The following RIPPLY3 variants were observed in gnomAD, a reference collection of about 807,000 sequenced individuals.
The protein encoded by RIPPLY3 is ripply transcriptional repressor 3, also known as protein ripply3.
RIPPLY3 carries 8 observed loss-of-function variants against 11.9 expected under a neutral mutation model. That is an observed-to-expected ratio of 0.67 (90% CI 0.40 to 1.21). The LOEUF is 1.21. RIPPLY3 is among the 50% of genes most tolerant of loss of function. RIPPLY3 has a pLI of 0.01. For synonymous variants in RIPPLY3, 102 were observed against 99.0 expected (o/e 1.03, Z -0.18); for missense variants, 271 against 246.0 (o/e 1.10, Z -0.68).
chr21:37,006,179 G>C (rs1330467960), upstream of RIPPLY3: 1 of 152,460 alleles, frequency 6.6e-6, no homozygotes, highest in Non-Finnish European at 1.5e-5. This position sits in a 1 kb window ranked among gnomAD's most constrained non-coding sequence, Gnocchi z 5.2. Flanking sequence ...GACCACAGAG[G>C]GACGGAGAAG....
At chr21:37,011,106 C>T (rs981030145) in intron 2 of RIPPLY3, among the ~76,000 whole-genome samples, 4 of 151,954 alleles carry the variant, frequency 2.6e-5, no homozygotes, top group African/African-American at 9.7e-5. Flanking sequence ...CAGGTTCAAG[C>T]GATTCGCCTG....
intron 2 of RIPPLY3, among the ~76,000 whole-genome samples, chr21:37,009,941 G>C (rs749674225): frequency 6.6e-6 from 1 of 152,188 alleles, no homozygotes; most frequent in Non-Finnish European, 1.5e-5. Flanking sequence ...TGGTTGCGCA[G>C]AGCGACCAGC....
In RIPPLY3 at chr21:37,008,171, G is replaced by T. The variant is rs1210698587; in HGVS notation, c.119G>T (p.Arg40Leu). The change falls in exon 2 of 4, where the codon CGA (arginine) becomes CTA (leucine). Residue 40 changes from arginine (R) to leucine (L), a missense_variant. Coordinates refer to ENST00000329553, the MANE Select transcript of RIPPLY3 (RefSeq NM_018962.3). The stretch of plus-strand genomic sequence containing the variant: ...TGCCGTTCCAGCCCCGCGCCGTGGC[G>T]ACCTTGGATCCAGACACCTGGAGAT... ...PRGPESPAPW[R>L]PWIQTPGDAE... The T allele has an allele frequency of 1.9e-6, 3 of 1,613,986 alleles. No individual in the cohort carries two copies. The highest frequency in any genetic ancestry group is 2.5e-6 in the Non-Finnish European group (3 of 1,180,026).
chr21:37,017,799 G>T, intron 3 of RIPPLY3, 75 bp from the exon 4 acceptor site: 3 of 1,276,004 alleles, frequency 2.4e-6, no homozygotes, highest in Non-Finnish European at 3.2e-6. Flanking sequence ...CTGCTTCTGG[G>T]AAAAAGCACC....
rs757963239 is a variant in RIPPLY3, at chr21:37,013,622, A to G, written c.239+4A>G. ...TTGGGTTTCAGCATCCTGTAAGGTAATATACGACTTCACAATAAGTAATCT... is the reference window on the plus strand; with the variant it reads ...TTGGGTTTCAGCATCCTGTAAGGTAGTATACGACTTCACAATAAGTAATCT... On this transcript the variant is annotated splice_donor_region_variant and intron_variant, in intron 3 of 3. Transcript: ENST00000329553. 11 of 1,609,842 alleles carry G rather than the reference A, an allele frequency of 6.8e-6. No homozygotes were observed. The highest frequency in any genetic ancestry group is 9.3e-6 in the Non-Finnish European group (11 of 1,176,522).
chr21:37,017,479 G>T (rs1426583345), intron 3 of RIPPLY3, among the ~76,000 whole-genome samples: 2 of 152,134 alleles, frequency 1.3e-5, no homozygotes. Context: ...CAGAGGGTGG[G>T]GTGGGAGAGT....
intron 3 of RIPPLY3, among the ~76,000 whole-genome samples, chr21:37,016,567 T>C: frequency 6.6e-6 from 1 of 151,890 alleles, no homozygotes; most frequent in East Asian, 1.9e-4. Context: ...GCATGGTGGC[T>C]CATACCTGTA....
At position 37,018,300 on chromosome 21, in the gene RIPPLY3, T is replaced by C. The variant is rs963019154; in HGVS notation, c.*93T>C. ...CAGGACACTACGCATCCCTGCTGAGTGTGCAGAGGCTAGAGGCTTCTCGGG... is the reference window on the plus strand; with the variant it reads ...CAGGACACTACGCATCCCTGCTGAGCGTGCAGAGGCTAGAGGCTTCTCGGG... On this transcript the variant is annotated 3_prime_UTR_variant, in exon 4 of 4. Transcript: ENST00000329553. 4.6e-6 allele frequency: 5 copies of C among 1,088,790 alleles called. No individual in the cohort carries two copies. In the South Asian group the frequency reaches 6.6e-5, roughly 14 times the overall value. The allele number at this position is 1,088,790 out of a possible 1,614,324, so 67.4% of individuals were successfully genotyped here. A position where few individuals can be genotyped will look rare whatever the true frequency, so the allele number is the denominator to read the frequency against.
Position 37,006,906 on chromosome 21 carries a change from C to A in RIPPLY3, c.104+30C>A. 1.7e-6 allele frequency: 2 copies of A among 1,153,570 alleles called. No homozygotes were observed. Among genetic ancestry groups the A allele is most frequent in the Non-Finnish European group, 2.2e-6 (2 of 920,596 alleles). The allele number at this position is 1,153,570 out of a possible 1,614,324, so 71.5% of individuals were successfully genotyped here. The stretch of plus-strand genomic sequence containing the variant: ...GGGTGGCCCCGCGCCCCGGTGGACG[C>A]GCTGAGAGGCGTGCGCGGTGGCGGT... On this transcript the variant is annotated intron_variant, in intron 1 of 3. Transcript: ENST00000329553. This position sits in a 1 kb window ranked among gnomAD's most constrained non-coding sequence, Gnocchi z 5.2.
chr21:37,012,904 G>A (rs542302915), intron 2 of RIPPLY3, among the ~76,000 whole-genome samples: 83 of 137,876 alleles, frequency 6.0e-4, no homozygotes, highest in African/African-American at 2.2e-3. Context: ...TCGCTCTGTC[G>A]TCCAGGCTGG....
chr21:37,013,594 C>T lies in RIPPLY3; in HGVS notation c.215C>T (p.Ala72Val), dbSNP rs1359098141. ...ADQHTFGSKGAFGFQHPVRVY... is the reference protein window; with the variant it reads ...ADQHTFGSKGVFGFQHPVRVY... ...CAACACACTTTTGGATCAAAGGGAGCCTTTGGGTTTCAGCATCCTGTAAGG... is the reference window on the plus strand; with the variant it reads ...CAACACACTTTTGGATCAAAGGGAGTCTTTGGGTTTCAGCATCCTGTAAGG... The change falls in exon 3 of 4, where the codon GCC (alanine) becomes GTC (valine). Residue 72 changes from alanine to valine, a missense_variant. Physicochemically the swap from Ala to Val is moderately conservative, Grantham distance 64. Transcript: ENST00000329553. 1 of 1,613,548 alleles carries T rather than the reference C, an allele frequency of 6.2e-7. No individual in the cohort carries two copies. The highest frequency in any genetic ancestry group is 1.7e-5 in the Admixed American group (1 of 59,986).
intron 2 of RIPPLY3, among the ~76,000 whole-genome samples, chr21:37,009,188 C>A (rs115697808): frequency 0.015 from 2,296 of 152,032 alleles, 53 homozygotes; most frequent in African/African-American, 0.053. Context: ...TAGAATTTAC[C>A]TTTCCTTTGT....
At chr21:37,014,530 C>G (rs982289451) in intron 3 of RIPPLY3, among the ~76,000 whole-genome samples, 2 of 152,084 alleles carry the variant, frequency 1.3e-5, no homozygotes, top group African/African-American at 4.8e-5. Flanking sequence ...GTCTCTGTCT[C>G]TCTCTTTTTC....
At chr21:37,017,294 CT>C (rs979334166) in intron 3 of RIPPLY3, among the ~76,000 whole-genome samples, 2 of 151,650 alleles carry the variant, frequency 1.3e-5, no homozygotes, top group Non-Finnish European at 2.9e-5. Flanking sequence ...TTTCTATTTC[CT>C]TTTTTCCTAA....
chr21:37,013,757 T>G lies in RIPPLY3; in HGVS notation c.239+139T>G, dbSNP rs1335934963. 8.4e-6 allele frequency: 5 copies of G among 592,350 alleles called. No individual in the cohort carries two copies. The Admixed American group carries it at 1.5e-4, about 18-fold the overall frequency. The allele number at this position is 592,350 out of a possible 1,614,324, so 36.7% of individuals were successfully genotyped here. A position where few individuals can be genotyped will look rare whatever the true frequency, so the allele number is the denominator to read the frequency against. ...TATTCTTTGGTATTGTTTAGTTTCC[T>G]TATACCAAGGAGATTTTGTTGGATT... On this transcript the variant is annotated intron_variant, in intron 3 of 3. Coordinates refer to ENST00000329553, the MANE Select transcript of RIPPLY3 (RefSeq NM_018962.3).
intron 2 of RIPPLY3, 147 bp from the exon 3 acceptor site, chr21:37,013,404 G>A (rs1404642834): frequency 2.7e-5 from 15 of 549,460 alleles, no homozygotes; most frequent in Non-Finnish European, 1.9e-5. Flanking sequence ...CGGGCTTATC[G>A]AATACTGATA....
At position 37,018,283 on chromosome 21, in the gene RIPPLY3, T is replaced by TA; in HGVS notation, c.*77dup. ...CTTGGGGACACCCGAGCCAGGACAC[T>TA]ACGCATCCCTGCTGAGTGTGCAGAG... On this transcript the variant is annotated 3_prime_UTR_variant, in exon 4 of 4. Coordinates refer to ENST00000329553, the MANE Select transcript of RIPPLY3 (RefSeq NM_018962.3). The TA allele has an allele frequency of 8.0e-7, 1 of 1,245,124 alleles. No homozygotes were observed. Among genetic ancestry groups the TA allele is most frequent in the Non-Finnish European group, 1.2e-6 (1 of 858,638 alleles). The allele number at this position is 1,245,124 out of a possible 1,614,324, so 77.1% of individuals were successfully genotyped here. A position where few individuals can be genotyped will look rare whatever the true frequency, so the allele number is the denominator to read the frequency against.
At position 37,018,705 on chromosome 21, in the gene RIPPLY3, G is replaced by C. The variant is rs2146781901; in HGVS notation, c.*498G>C. The C allele has an allele frequency of 6.5e-6, 1 of 153,300 alleles. No individual in the cohort carries two copies. Among genetic ancestry groups the C allele is most frequent in the African/African-American group, 2.4e-5 (1 of 41,532 alleles). The allele number at this position is 153,300 out of a possible 1,614,324, so 9.5% of individuals were successfully genotyped here. A position where few individuals can be genotyped will look rare whatever the true frequency, so the allele number is the denominator to read the frequency against. On this transcript the variant is annotated 3_prime_UTR_variant, in exon 4 of 4. Transcript: ENST00000329553. ...AAAAAAGAAAAAAAGGTTTGGTTTGGTTTTGTGACGGAGTTTTGCTCTTGT... is the reference window on the plus strand; with the variant it reads ...AAAAAAGAAAAAAAGGTTTGGTTTGCTTTTGTGACGGAGTTTTGCTCTTGT...
intron 1 of RIPPLY3, 103 bp from the exon 2 acceptor site, chr21:37,008,054 T>G: frequency 2.4e-6 from 3 of 1,255,096 alleles, no homozygotes; most frequent in Non-Finnish European, 3.4e-6. Flanking sequence ...GTCCGGTGCC[T>G]CTTTTTCAGG....
Sources: gnomAD v4.1 joint callset for allele counts (sites outside exome capture counted in the v4.1 genomes callset) on GRCh38, gnomAD v4.1.1 for gene constraint, Gnocchi (gnomAD v3.1) non-coding constraint, MANE v1.5 for transcripts, NCBI Gene and HGNC (gene_info 2026-07-23, HGNC 2026-07-21) for gene names.